Variants in COL5A1 observed in about 807,000 individuals in gnomAD.
COL5A1 encodes the protein collagen alpha-1(V) chain.
COL5A1 carries 16 observed loss-of-function variants against 263.7 expected under a neutral mutation model. That is an observed-to-expected ratio of 0.06 (90% CI 0.04 to 0.09). The LOEUF is 0.09. COL5A1 is among the 10% of genes least tolerant of loss of function. The probability of loss-of-function intolerance (pLI) is 1.00; values close to 1 mark genes in which losing one functional copy is unlikely to be tolerated. For synonymous variants in COL5A1, 1,012 were observed against 1,004.5 expected, an observed-to-expected ratio of 1.01 and a Z score of -0.14; for missense variants, 2,036 against 2,540.5, an observed-to-expected ratio of 0.80 and a Z score of 4.27.
At chr9:134,826,791 A>T (rs1402396057) in intron 63 of COL5A1, among the ~76,000 whole-genome samples, 2 of 119,068 alleles carry the variant, frequency 1.7e-5, no homozygotes, top group African/African-American at 7.0e-5. Context: ...GTGTTTGGGT[A>T]CTTGTGGCTG....
intron 1 of COL5A1, among the ~76,000 whole-genome samples, chr9:134,662,454 C>T (rs754255202): frequency 3.3e-5 from 5 of 152,246 alleles, no homozygotes; most frequent in African/African-American, 4.8e-5. Flanking sequence ...TCAGGCCTGC[C>T]GGTGCCAGTG....
chr9:134,837,984 T>C (rs1013630825), intron 65 of COL5A1, among the ~76,000 whole-genome samples: 14 of 152,190 alleles, frequency 9.2e-5, no homozygotes, highest in African/African-American at 3.4e-4. Flanking sequence ...CAGTTGACAG[T>C]GATCTCACTA....
At chr9:134,646,550 C>T (rs939150520) in intron 1 of COL5A1, among the ~76,000 whole-genome samples, 1 of 152,214 alleles carries the variant, frequency 6.6e-6, no homozygotes, top group Non-Finnish European at 1.5e-5. Flanking sequence ...GCAGGTGCTC[C>T]CAGTATCTGT....
chr9:134,753,524 C>T (rs994402664), intron 14 of COL5A1, among the ~76,000 whole-genome samples: 5 of 152,296 alleles, frequency 3.3e-5, no homozygotes, highest in Middle Eastern at 3.4e-3. Flanking sequence ...ATACGCTGCT[C>T]GAAGCTTTGG....
chr9:134,716,988 C>G lies in COL5A1; in HGVS notation c.655-10278C>G, dbSNP rs552613349. Among the ~76,000 whole-genome samples the G allele has an allele frequency of 2.6e-5, 4 of 151,352 alleles. No individual in the cohort carries two copies. The East Asian group carries it at 6.0e-4, about 23-fold the overall frequency. The stretch of plus-strand genomic sequence containing the variant: ...TCGTTAATAGTGTGAAACTCGTTCT[C>G]ACAGGTGCTGTGAAAACCATGGAAA... On this transcript the variant is annotated intron_variant, in intron 4 of 65. Coordinates refer to ENST00000371817, the MANE Select transcript of COL5A1 (RefSeq NM_000093.5). This position sits in a 1 kb window ranked among gnomAD's most constrained non-coding sequence, Gnocchi z 4.5.
In COL5A1 at chr9:134,760,542, CCA is replaced by C. The variant is rs750072534; in HGVS notation, c.1936-1373_1936-1372del. Among the ~76,000 whole-genome samples the C allele has an allele frequency of 4.7e-3, 448 of 94,854 alleles. 4 individuals carry two copies. Among genetic ancestry groups the C allele is most frequent in the African/African-American group, 8.1e-3 (183 of 22,590 alleles). The allele number at this position is 94,854 out of a possible 152,430, so 62.2% of individuals were successfully genotyped here. A position where few individuals can be genotyped will look rare whatever the true frequency, so the allele number is the denominator to read the frequency against. ...CCCACACACCCCCACACTCATACAC[CCA>C]CACACACACGCACATACACACCCAC... On this transcript the variant is annotated intron_variant, in intron 18 of 65. Transcript: ENST00000371817.
At chr9:134,723,015 C>T (rs1466363097) in intron 4 of COL5A1, among the ~76,000 whole-genome samples, 1 of 152,226 alleles carries the variant, frequency 6.6e-6, no homozygotes, top group Non-Finnish European at 1.5e-5. Flanking sequence ...GTCTCAGGGG[C>T]AGGGGGCAGC....
At chr9:134,760,425 C>T (rs1588516188) in intron 18 of COL5A1, among the ~76,000 whole-genome samples, 1 of 118,180 alleles carries the variant, frequency 8.5e-6, no homozygotes, top group Non-Finnish European at 1.7e-5. Context: ...CATGCACACA[C>T]ACCACACATG....
At position 134,818,955 on chromosome 9, in the gene COL5A1, A is replaced by C; in HGVS notation, c.4393-45A>C. 6.2e-7 allele frequency: 1 copy of C among 1,613,036 alleles called. No homozygotes were observed. The highest frequency in any genetic ancestry group is 8.5e-7 in the Non-Finnish European group (1 of 1,179,680). On this transcript the variant is annotated intron_variant, in intron 56 of 65. Coordinates refer to ENST00000371817, the MANE Select transcript of COL5A1 (RefSeq NM_000093.5). This position sits in a 1 kb window ranked among gnomAD's most constrained non-coding sequence, Gnocchi z 6.0. ...GCGGGTGGGATGACTTCGCCACCCA[A>C]AGCCCCAAGGATGAGGACTCTGATC...
rs1352729728 is a variant in COL5A1 at position 134,818,768 on chromosome 9, G to A, written c.4338+5G>A. On this transcript the variant is annotated splice_donor_5th_base_variant and intron_variant, in intron 55 of 65. Transcript: ENST00000371817. The surrounding 1 kb of genome is among the most constrained non-coding windows in gnomAD (Gnocchi z 6.0). Reference sequence around the variant, plus strand: ...CGAGGGATCCCTGGCCCTGTGGTGAGTAGGCTGTGAGGGGCAGAGGGGTTG... The same window carrying A: ...CGAGGGATCCCTGGCCCTGTGGTGAATAGGCTGTGAGGGGCAGAGGGGTTG... 1 of 1,612,644 alleles carries A rather than the reference G, an allele frequency of 6.2e-7. No homozygotes were observed. Among genetic ancestry groups the A allele is most frequent in the Admixed American group, 1.7e-5 (1 of 59,974 alleles).
chr9:134,821,586 A>AG lies in COL5A1; in HGVS notation c.4555-507dup, dbSNP rs1431780486. Among the ~76,000 whole-genome samples, 2 of 152,148 alleles carry AG rather than the reference A, an allele frequency of 1.3e-5. No individual in the cohort carries two copies. Among genetic ancestry groups the AG allele is most frequent in the African/African-American group, 4.8e-5 (2 of 41,444 alleles). ...GTCTGGGAGGGAGTCAGTGGGGAGA[A>AG]GGGGTCTGAGCGGAGGTTCCACGCT... On this transcript the variant is annotated intron_variant, in intron 58 of 65. Transcript: ENST00000371817. The surrounding 1 kb of genome is among the most constrained non-coding windows in gnomAD (Gnocchi z 4.2).
chr9:134,798,638 G>A (rs1270420312), intron 37 of COL5A1, among the ~76,000 whole-genome samples, 177 bp downstream of exon 37: 1 of 39,830 alleles, frequency 2.5e-5, no homozygotes, highest in Non-Finnish European at 5.3e-5. Context: ...GCCAGGCTGT[G>A]AGGCAGGGCC....
At chr9:134,690,857 C>A (rs374839035) in intron 1 of COL5A1, 55 bp from the exon 2 acceptor site, 6 of 1,607,048 alleles carry the variant, frequency 3.7e-6, no homozygotes, top group South Asian at 1.1e-5. Flanking sequence ...TCCGGGTGTT[C>A]CCAGGTGCTC....
In COL5A1 at chr9:134,741,206, C is replaced by T. The variant is rs561664696; in HGVS notation, c.1494+2398C>T. Among the ~76,000 whole-genome samples the T allele has an allele frequency of 2.9e-4, 44 of 152,294 alleles. No individual in the cohort carries two copies. Among genetic ancestry groups the T allele is most frequent in the African/African-American group, 9.1e-4 (38 of 41,562 alleles). On this transcript the variant is annotated intron_variant, in intron 11 of 65. Transcript: ENST00000371817. This position sits in a 1 kb window ranked among gnomAD's most constrained non-coding sequence, Gnocchi z 4.5. The stretch of plus-strand genomic sequence containing the variant: ...GGGCCGGGCTCAGGTGCCTGTGCGG[C>T]GGAGAAACAACATTGTCTCTGCCCT...
At chr9:134,790,317 C>CCCACCCATCCATCCATCCAT (rs1837622152) in intron 32 of COL5A1, among the ~76,000 whole-genome samples, 2 of 149,354 alleles carry the variant, frequency 1.3e-5, no homozygotes, top group African/African-American at 4.9e-5. Flanking sequence ...CATCCATCCA[C>CCCACCCATCCATCCATCCAT]CCACCCATCC....
chr9:134,786,338 A>T (rs1168924071), intron 31 of COL5A1, among the ~76,000 whole-genome samples: 2 of 152,190 alleles, frequency 1.3e-5, no homozygotes, highest in Non-Finnish European at 2.9e-5. Flanking sequence ...GGCGTGTGTG[A>T]CACTGTGGCT....
intron 11 of COL5A1, among the ~76,000 whole-genome samples, chr9:134,739,360 G>GGGA (rs1346935105): frequency 2.0e-5 from 3 of 152,254 alleles, no homozygotes; most frequent in African/African-American, 7.2e-5. Context: ...CCGGCGGGGC[G>GGGA]GGAGTTTTCT....
chr9:134,763,278 C>T (rs145807430), intron 19 of COL5A1, among the ~76,000 whole-genome samples: 73 of 152,342 alleles, frequency 4.8e-4, no homozygotes, highest in African/African-American at 1.5e-3. Flanking sequence ...TCTTGCTGTA[C>T]TTTCCAGGCT....
intron 48 of COL5A1, among the ~76,000 whole-genome samples, chr9:134,813,259 C>T (rs899467311): frequency 4.6e-5 from 7 of 152,066 alleles, no homozygotes; most frequent in African/African-American, 7.2e-5. Flanking sequence ...TGTGTGCCTG[C>T]ATGCTGGGTG....
Sources: allele counts gnomAD v4.1 joint callset (sites outside exome capture counted in the v4.1 genomes callset), GRCh38; gene constraint gnomAD v4.1.1; non-coding constraint Gnocchi (gnomAD v3.1); transcripts MANE v1.5; gene names NCBI Gene and HGNC (gene_info 2026-07-23, HGNC 2026-07-21).